The following AGBL4 variants were observed in gnomAD, a reference collection of about 807,000 sequenced individuals.
AGBL4 encodes cytosolic carboxypeptidase 6.
Under a neutral mutation model 66.4 loss-of-function variants are expected in AGBL4, and 58 were observed. The observed-to-expected ratio is 0.87, with a 90% CI of 0.71 to 1.09. AGBL4 has a LOEUF of 1.09. Ranked by LOEUF, AGBL4 falls within the 50% of genes least tolerant of loss-of-function variation. AGBL4 has a pLI of 0.00. For missense variants in AGBL4, 579 were observed against 631.0 expected (o/e 0.92, Z 0.88); for synonymous variants, 234 against 222.9 (o/e 1.05, Z -0.44).
intron 5 of AGBL4, among the ~76,000 whole-genome samples, chr1:48,933,184 ATG>A (rs1655173845): frequency 6.6e-6 from 1 of 152,250 alleles, no homozygotes; most frequent in East Asian, 1.9e-4. Context: ...AAAGATATAT[ATG>A]TGTGTGTGTA....
chr1:49,459,459 T>G (rs1646463485), intron 3 of AGBL4, among the ~76,000 whole-genome samples: 1 of 151,596 alleles, frequency 6.6e-6, no homozygotes, highest in Admixed American at 6.6e-5. Context: ...TATCTCCCAT[T>G]TCATTTCTAA....
downstream of AGBL4, among the ~76,000 whole-genome samples, chr1:48,531,106 T>C (rs2148247036): frequency 6.6e-6 from 1 of 152,244 alleles, no homozygotes; most frequent in South Asian, 2.1e-4. Context: ...ACCCCTGGGC[T>C]CTTGCTCAGT....
chr1:49,775,121 C>CA (rs974955650), intron 2 of AGBL4, among the ~76,000 whole-genome samples: 3 of 151,988 alleles, frequency 2.0e-5, no homozygotes, highest in African/African-American at 7.2e-5. Context: ...AAAACAGCTT[C>CA]AAAATAAAGT....
At chr1:49,663,451 G>C (rs916618900) in intron 3 of AGBL4, among the ~76,000 whole-genome samples, 1 of 152,100 alleles carries the variant, frequency 6.6e-6, no homozygotes, top group African/African-American at 2.4e-5. Flanking sequence ...GATACAGAAG[G>C]CTTTGCAATA....
intron 1 of AGBL4, among the ~76,000 whole-genome samples, chr1:49,881,581 A>C (rs548005343): frequency 1.1e-3 from 168 of 150,548 alleles, no homozygotes; most frequent in African/African-American, 3.8e-3. Flanking sequence ...TTGCCATTCT[A>C]ACTGGTGTGA....
chr1:49,038,432 C>A (rs565972393), intron 5 of AGBL4, among the ~76,000 whole-genome samples: 1 of 152,082 alleles, frequency 6.6e-6, no homozygotes, highest in East Asian at 1.9e-4. Context: ...CCTGCATAAA[C>A]ACAGGGTTGA....
At chr1:49,661,513 T>C (rs1297304027) in intron 3 of AGBL4, among the ~76,000 whole-genome samples, 1 of 152,130 alleles carries the variant, frequency 6.6e-6, no homozygotes, top group Non-Finnish European at 1.5e-5. Flanking sequence ...TCTCTGACCA[T>C]CTGATACACT....
rs1329834389 is a variant in AGBL4, at chr1:49,947,976, ATAAATATATATTTAT to A, written c.34+75772_34+75786del. ...AATATATATATAAATATATATATTT[ATAAATATATATTTAT>A]ATATATAAATATATATAAATATATA... is the stretch of plus-strand genomic sequence containing the variant. On this transcript the variant is annotated intron_variant, in intron 1 of 13. Coordinates refer to ENST00000371839, the MANE Select transcript of AGBL4 (RefSeq NM_032785.4). Among the ~76,000 whole-genome samples, 606 of 111,722 alleles carry A rather than the reference ATAAATATATATTTAT, an allele frequency of 5.4e-3. 22 individuals are homozygous for A. The highest frequency in any genetic ancestry group is 0.022 in the African/African-American group (576 of 25,956). 73.3% of individuals were successfully genotyped at this position (111,722 alleles called of 152,430 possible).
At chr1:48,601,328 T>C (rs555367325) in intron 9 of AGBL4, among the ~76,000 whole-genome samples, 1 of 152,366 alleles carries the variant, frequency 6.6e-6, no homozygotes, top group South Asian at 2.1e-4. Context: ...ACTGGCTTTG[T>C]GCCTACCAAA....
intron 1 of AGBL4, among the ~76,000 whole-genome samples, chr1:49,991,594 G>A (rs963680794): frequency 4.6e-5 from 7 of 152,016 alleles, no homozygotes; most frequent in Non-Finnish European, 8.8e-5. Context: ...TTCTCTCCCA[G>A]AGTCAAGTTT....
intron 1 of AGBL4, among the ~76,000 whole-genome samples, chr1:49,869,083 A>G (rs1197750972): frequency 6.6e-6 from 1 of 152,196 alleles, no homozygotes; most frequent in Non-Finnish European, 1.5e-5. Context: ...TGATTATTAA[A>G]AAGTCAAGAA....
intron 3 of AGBL4, among the ~76,000 whole-genome samples, chr1:49,267,701 G>T (rs1454864386): frequency 6.6e-6 from 1 of 151,932 alleles, no homozygotes; most frequent in South Asian, 2.1e-4. Context: ...ACATACCCAA[G>T]ACTGGGTAAT....
At chr1:49,859,842 C>T (rs1646525353) in intron 1 of AGBL4, among the ~76,000 whole-genome samples, 1 of 151,870 alleles carries the variant, frequency 6.6e-6, no homozygotes, top group African/African-American at 2.4e-5. Context: ...AGAAAAAAAT[C>T]ACAAAGAAGT....
At chr1:49,343,242 A>C (rs1421651218) in intron 3 of AGBL4, among the ~76,000 whole-genome samples, 1 of 152,060 alleles carries the variant, frequency 6.6e-6, no homozygotes, top group Non-Finnish European at 1.5e-5. Flanking sequence ...GGTGCCACAG[A>C]CCCCGTTTTG....
intron 4 of AGBL4, among the ~76,000 whole-genome samples, chr1:49,107,708 A>T (rs1482758509): frequency 4.7e-5 from 7 of 147,694 alleles, no homozygotes; most frequent in East Asian, 2.0e-4. Context: ...AGAGAGAGAG[A>T]GAGAGAGAGA....
intron 4 of AGBL4, among the ~76,000 whole-genome samples, chr1:49,214,718 T>G (rs1369193989): frequency 6.6e-6 from 1 of 152,086 alleles, no homozygotes; most frequent in Non-Finnish European, 1.5e-5. Context: ...GAAGACTAAT[T>G]TTACACACCA....
chr1:48,597,502 G>T (rs1457633206), intron 9 of AGBL4, among the ~76,000 whole-genome samples: 1 of 152,042 alleles, frequency 6.6e-6, no homozygotes, highest in Non-Finnish European at 1.5e-5. Context: ...ATCAGGGAAG[G>T]CCTCTGACAT....
intron 3 of AGBL4, among the ~76,000 whole-genome samples, chr1:49,669,995 G>C (rs1646445651): frequency 6.6e-6 from 1 of 152,020 alleles, no homozygotes; most frequent in African/African-American, 2.4e-5. Flanking sequence ...GCAAGTATTA[G>C]CATTTAAATG....
At chr1:48,932,511 C>T (rs1655114897) in intron 5 of AGBL4, among the ~76,000 whole-genome samples, 1 of 152,088 alleles carries the variant, frequency 6.6e-6, no homozygotes, top group Non-Finnish European at 1.5e-5. Context: ...AAAAGTTTTT[C>T]TTTTTGCAGA....
Sources: allele counts gnomAD v4.1 joint callset (sites outside exome capture counted in the v4.1 genomes callset), GRCh38; gene constraint gnomAD v4.1.1; transcripts MANE v1.5; gene names NCBI Gene and HGNC (gene_info 2026-07-23, HGNC 2026-07-21).